Variants in CPT1B observed in about 807,000 individuals in gnomAD.
The protein encoded by CPT1B is carnitine palmitoyltransferase 1B, also known as carnitine O-palmitoyltransferase 1, muscle isoform.
Under a neutral mutation model 92.7 loss-of-function variants are expected in CPT1B, and 57 were observed. That is an observed-to-expected ratio of 0.62 (90% CI 0.50 to 0.77). CPT1B has a LOEUF of 0.77. CPT1B is among the 30% of genes least tolerant of loss of function. The probability of loss-of-function intolerance (pLI) is 0.00; values close to 1 mark genes in which losing one functional copy is unlikely to be tolerated. For synonymous variants in CPT1B, 398 were observed against 383.5 expected (o/e 1.04, Z -0.44); for missense variants, 983 against 1,017.4 (o/e 0.97, Z 0.46).
chr22:50,575,313 C>G (rs752671207), intron 7 of CPT1B, among the ~76,000 whole-genome samples: 4 of 152,184 alleles, frequency 2.6e-5, no homozygotes, highest in Non-Finnish European at 4.4e-5. Flanking sequence ...CCGGCCCGAG[C>G]TGCCTTTTTA....
At position 50,576,197 on chromosome 22, in the gene CPT1B, CAT is replaced by C. The variant is rs2070425816; in HGVS notation, c.698_699del (p.Tyr233CysfsTer3). ...CAGTGAGCCCAGGGGCAGGAACTTACATAGTTACTTGCCCACCATGACTTGAG... is the reference window on the plus strand; with the variant it reads ...CAGTGAGCCCAGGGGCAGGAACTTACAGTTACTTGCCCACCATGACTTGAG... ...LVLKSWWASN[Y>X]VSDWWEEYIY... is the part of the protein sequence containing the mutation. On this transcript the variant is annotated frameshift_variant and splice_region_variant, in exon 6 of 20. Coordinates refer to ENST00000312108, the MANE Select transcript of CPT1B (RefSeq NM_152246.3). LOFTEE classifies it high-confidence loss of function. The C allele has an allele frequency of 1.2e-6, 2 of 1,614,074 alleles. No individual in the cohort carries two copies. Among genetic ancestry groups the C allele is most frequent in the East Asian group, 2.2e-5 (1 of 44,872 alleles).
At chr22:50,571,824 G>A in intron 13 of CPT1B, 182 bp downstream of exon 13, 2 of 706,096 alleles carry the variant, frequency 2.8e-6, no homozygotes, top group East Asian at 2.5e-5. Flanking sequence ...GGCGGTGGGT[G>A]GTCTCTGTCC....
In CPT1B at chr22:50,577,783, G is replaced by A. The variant is rs1396080086; in HGVS notation, c.133C>T (p.Arg45Cys). Residue 45 changes from arginine to cysteine, a missense_variant, in exon 2 of 20, where the codon CGC becomes TGC. Arg to Cys is a radical substitution (Grantham distance 180). Coordinates refer to ENST00000312108, the MANE Select transcript of CPT1B (RefSeq NM_152246.3). ...GAAGCACCTGTGCGCACCTTGATGC[G>A]GATCAGGCGTTTCTTCCAGGAGTTG... is the stretch of plus-strand genomic sequence containing the variant. Reference protein sequence around the residue: ...GINSWKKRLIRIKNGILRGVY... With the variant: ...GINSWKKRLICIKNGILRGVY... The A allele has an allele frequency of 1.2e-6, 2 of 1,613,712 alleles. No homozygotes were observed. The highest frequency in any genetic ancestry group is 2.2e-5 in the South Asian group (2 of 91,092).
rs752158903 is a variant in CPT1B at position 50,573,949 on chromosome 22, C to T, written c.971-234G>A. 56 of 707,978 alleles carry T rather than the reference C, an allele frequency of 7.9e-5. No individual in the cohort carries two copies. The highest frequency in any genetic ancestry group is 6.9e-4 in the South Asian group (46 of 66,682). 43.9% of individuals were successfully genotyped at this position (707,978 alleles called of 1,614,324 possible). On this transcript the variant is annotated intron_variant, in intron 9 of 19. Transcript: ENST00000312108. The surrounding 1 kb of genome is among the most constrained non-coding windows in gnomAD (Gnocchi z 5.0). ...ATAAAGTATTTCACAGAAGAGGAAA[C>T]GACGCACTAGAGGGTTGTGCAAACC...
At position 50,576,245 on chromosome 22, in the gene CPT1B, TG is replaced by T. The variant is rs1433021617; in HGVS notation, c.651del (p.Arg218GlyfsTer17). 6.2e-7 allele frequency: 1 copy of T among 1,614,120 alleles called. No homozygotes were observed. The highest frequency in any genetic ancestry group is 8.5e-7 in the Non-Finnish European group (1 of 1,180,024). On this transcript the variant is annotated frameshift_variant, in exon 6 of 20. Coordinates refer to ENST00000312108, the MANE Select transcript of CPT1B (RefSeq NM_152246.3). LOFTEE classifies it high-confidence loss of function. ...TTGAGCACCAGGTATTTCTGCAGCC[TG>T]GGGGCAGTCTTGTCCTGGAATTCTT... ...LAKEFQDKTA[P>X]RLQKYLVLKS...
In CPT1B at chr22:50,577,438, G is replaced by C. The variant is rs374480938; in HGVS notation, c.167C>G (p.Pro56Arg). The change falls in exon 3 of 20, where the codon CCT (proline) becomes CGT (arginine). Residue 56 changes from proline (P) to arginine (R), a missense_variant. By Grantham distance (103) the Pro-to-Arg change is moderately radical. Transcript: ENST00000312108. ...GACCAGCCAGCTGGTGGGGCTGCCA[G>C]GGTACACGCCCCTGAGGATGCCATT... is the stretch of plus-strand genomic sequence containing the variant. Reference protein sequence around the residue: ...IKNGILRGVYPGSPTSWLVVI... With the variant: ...IKNGILRGVYRGSPTSWLVVI... The C allele has an allele frequency of 6.2e-7, 1 of 1,613,806 alleles. No homozygotes were observed. The highest frequency in any genetic ancestry group is 8.5e-7 in the Non-Finnish European group (1 of 1,179,996).
At chr22:50,572,777 C>T (rs1166396395) in intron 11 of CPT1B, 98 bp downstream of exon 11, 7 of 1,357,140 alleles carry the variant, frequency 5.2e-6, no homozygotes, top group Admixed American at 3.8e-5. Context: ...TGCCACTGCA[C>T]CCAGCTCATA....
intron 7 of CPT1B, among the ~76,000 whole-genome samples, chr22:50,575,447 T>C (rs1366363986): frequency 6.6e-6 from 1 of 152,234 alleles, no homozygotes; most frequent in Non-Finnish European, 1.5e-5. Context: ...GGACAGCTTA[T>C]GGAGGAGAAT....
In CPT1B at chr22:50,570,056, G is replaced by A. The variant is rs534071395; in HGVS notation, c.2142+237C>T. ...CCCTGGAAACCAGCCCCACAGTCAT[G>A]CTTCAGTACCCCGGAAACCACGGTC... On this transcript the variant is annotated intron_variant, in intron 17 of 19. Transcript: ENST00000312108. Among the ~76,000 whole-genome samples the A allele has an allele frequency of 3.3e-5, 5 of 152,326 alleles. No homozygotes were observed. The South Asian group carries it at 8.3e-4, about 25-fold the overall frequency.
intron 7 of CPT1B, 66 bp from the exon 8 acceptor site, chr22:50,574,666 C>G: frequency 1.5e-6 from 2 of 1,307,914 alleles, no homozygotes; most frequent in African/African-American, 1.4e-5. Flanking sequence ...CTTGCTGACC[C>G]AAGGACCAAT....
At chr22:50,576,737 G>T in intron 4 of CPT1B, 100 bp from the exon 5 acceptor site, 1 of 1,556,796 alleles carries the variant, frequency 6.4e-7, no homozygotes, top group Non-Finnish European at 8.8e-7. Flanking sequence ...AGCCCCTCCA[G>T]GACAAACCAC....
At chr22:50,570,435 G>A in intron 16 of CPT1B, 29 bp from the exon 17 acceptor site, 2 of 1,518,378 alleles carry the variant, frequency 1.3e-6, no homozygotes, top group South Asian at 2.4e-5. Flanking sequence ...CTGGTCAGAG[G>A]CCACATACCC....
At position 50,573,322 on chromosome 22, in the gene CPT1B, C is replaced by T. The variant is rs1219763580; in HGVS notation, c.1166+198G>A. Among the ~76,000 whole-genome samples, 1 of 152,020 alleles carries T rather than the reference C, an allele frequency of 6.6e-6. No homozygotes were observed. The highest frequency in any genetic ancestry group is 6.5e-5 in the Admixed American group (1 of 15,274). On this transcript the variant is annotated intron_variant, in intron 10 of 19. Transcript: ENST00000312108. This position sits in a 1 kb window ranked among gnomAD's most constrained non-coding sequence, Gnocchi z 5.0. ...GTGCCAAGCTATTTTGGAGGGTGTC[C>T]CCACCCTCTGCACACTTCACCTGGC...
At chr22:50,570,077 C>T (rs148205550) in intron 17 of CPT1B, among the ~76,000 whole-genome samples, 78 of 152,360 alleles carry the variant, frequency 5.1e-4, no homozygotes, top group Non-Finnish European at 8.7e-4. Flanking sequence ...CCGGAAACCA[C>T]GGTCATGCTT....
intron 2 of CPT1B, 99 bp downstream of exon 2, chr22:50,577,676 A>C: frequency 6.6e-7 from 1 of 1,525,462 alleles, no homozygotes; most frequent in African/African-American, 1.4e-5. Context: ...TGTACCGGGC[A>C]GAAGTGCCAG....
intron 16 of CPT1B, 114 bp from the exon 17 acceptor site, chr22:50,570,520 C>A (rs1415366758): frequency 3.7e-6 from 3 of 806,112 alleles, no homozygotes; most frequent in African/African-American, 3.5e-5. Flanking sequence ...TGCAGGAGCT[C>A]CCTGGCCACC....
chr22:50,571,672 C>T (rs547840719), intron 13 of CPT1B, 133 bp from the exon 14 acceptor site: 9 of 1,026,660 alleles, frequency 8.8e-6, no homozygotes, highest in South Asian at 3.1e-5. Flanking sequence ...GAGGAGGGTA[C>T]GCAAAAGACA....
Position 50,572,241 on chromosome 22 carries a change from C to G in CPT1B, c.1420G>C (p.Ala474Pro). Residue 474 changes from alanine to proline, a missense_variant, in exon 12 of 20, where the codon GCG (alanine) becomes CCG (proline). Physicochemically the swap from Ala to Pro is conservative, Grantham distance 27. Coordinates refer to ENST00000312108, the MANE Select transcript of CPT1B (RefSeq NM_152246.3). ...CCAATGATGGGAGCATCTGCCCACG[C>G]ATGCTCTGCATTGAGACCCAACTGG... ...NGQLGLNAEH[A>P]WADAPIIGHL... 1 of 1,613,958 alleles carries G rather than the reference C, an allele frequency of 6.2e-7. No homozygotes were observed. The highest frequency in any genetic ancestry group is 8.5e-7 in the Non-Finnish European group (1 of 1,179,896).
chr22:50,577,666 T>G, intron 2 of CPT1B, 109 bp downstream of exon 2: 1 of 1,505,626 alleles, frequency 6.6e-7, no homozygotes, highest in African/African-American at 1.4e-5. Context: ...TTCCACAACC[T>G]GTACCGGGCA....
Sources: allele counts gnomAD v4.1 joint callset (sites outside exome capture counted in the v4.1 genomes callset), GRCh38; gene constraint gnomAD v4.1.1; non-coding constraint Gnocchi (gnomAD v3.1); transcripts MANE v1.5; gene names NCBI Gene and HGNC (gene_info 2026-07-23, HGNC 2026-07-21).